DOCK4: variants seen among roughly 807,000 people sequenced by gnomAD.
DOCK4 encodes the protein dedicator of cytokinesis 4.
In DOCK4, 97 loss-of-function variants were observed where a neutral mutation model predicts 268.1. The observed-to-expected ratio is 0.36, with a 90% CI of 0.31 to 0.43. The LOEUF is 0.43. Among genes scored for constraint, DOCK4 ranks in the 20% least tolerant of loss-of-function variants. The pLI is 1.00. For synonymous variants in DOCK4, 954 were observed against 887.2 expected (o/e 1.08, Z -1.34); for missense variants, 2,145 against 2,455.7 (o/e 0.87, Z 2.67).
intron 10 of DOCK4, among the ~76,000 whole-genome samples, chr7:111,941,818 C>G (rs1267809540): frequency 6.6e-6 from 1 of 152,140 alleles, no homozygotes; most frequent in Non-Finnish European, 1.5e-5. Flanking sequence ...GAAGGAATGG[C>G]AAAATAAGGG....
intron 34 of DOCK4, among the ~76,000 whole-genome samples, chr7:111,783,153 A>G (rs1585972804): frequency 6.6e-6 from 1 of 152,180 alleles, no homozygotes; most frequent in African/African-American, 2.4e-5. Context: ...ACTCCTGAGC[A>G]TCAGCTTCTG....
intron 2 of DOCK4, among the ~76,000 whole-genome samples, chr7:112,001,039 A>G (rs1409925922): frequency 6.6e-6 from 1 of 152,210 alleles, no homozygotes; most frequent in Non-Finnish European, 1.5e-5. Flanking sequence ...CGTGAATTGC[A>G]CATCCTTAAG....
chr7:112,046,873 A>AGTTG (rs1804871578), intron 1 of DOCK4, among the ~76,000 whole-genome samples: 1 of 152,174 alleles, frequency 6.6e-6, no homozygotes, highest in African/African-American at 2.4e-5. Context: ...AGAGAAAAAG[A>AGTTG]GTTGGGAGTC....
rs181279376 is a variant in DOCK4, at chr7:112,197,440, T to C, written c.37+8662A>G. On this transcript the variant is annotated intron_variant, in intron 1 of 52. Coordinates refer to ENST00000428084, the MANE Select transcript of DOCK4 (RefSeq NM_001363540.2). ...AAATATTATTCGTGCACTCTGTTTT[T>C]CAACATCCTTACTGGGAAATCTCAC... 2.7e-3 allele frequency among the ~76,000 whole-genome samples: 410 copies of C among 152,340 alleles called. 2 individuals carry two copies. The highest frequency in any genetic ancestry group is 9.4e-3 in the African/African-American group (390 of 41,574).
chr7:111,907,732 A>G (rs185681676), intron 13 of DOCK4, among the ~76,000 whole-genome samples: 1 of 152,248 alleles, frequency 6.6e-6, no homozygotes, highest in African/African-American at 2.4e-5. Flanking sequence ...TACATTATAT[A>G]TATCAATGTA....
At chr7:111,906,908 A>G (rs889927966) in intron 13 of DOCK4, among the ~76,000 whole-genome samples, 1 of 152,212 alleles carries the variant, frequency 6.6e-6, no homozygotes, top group African/African-American at 2.4e-5. Context: ...CAGTGAGACT[A>G]GCTCATCCTC....
intron 26 of DOCK4, among the ~76,000 whole-genome samples, chr7:111,833,529 A>G (rs1803008154): frequency 6.6e-6 from 1 of 150,918 alleles, no homozygotes; most frequent in African/African-American, 2.5e-5. Flanking sequence ...GAGTAACAGT[A>G]AAACCCTGCC....
chr7:112,056,412 T>C (rs1805824911), intron 1 of DOCK4, among the ~76,000 whole-genome samples: 1 of 152,176 alleles, frequency 6.6e-6, no homozygotes, highest in Admixed American at 6.6e-5. Context: ...TATATAATAA[T>C]ATATATGTTA....
chr7:111,788,051 T>C (rs1294471571), intron 32 of DOCK4, among the ~76,000 whole-genome samples: 1 of 152,218 alleles, frequency 6.6e-6, no homozygotes, highest in Admixed American at 6.5e-5. Flanking sequence ...TCAGATTCTA[T>C]GGGTAGGGCA....
chr7:111,828,963 C>A (rs1802609090), intron 26 of DOCK4, among the ~76,000 whole-genome samples: 1 of 150,978 alleles, frequency 6.6e-6, no homozygotes, highest in Non-Finnish European at 1.5e-5. Flanking sequence ...ATGTTAACAG[C>A]AGCTACCTCT....
chr7:111,976,258 A>C (rs903092013), intron 8 of DOCK4, among the ~76,000 whole-genome samples: 1 of 73,456 alleles, frequency 1.4e-5, no homozygotes, highest in African/African-American at 5.0e-5. Flanking sequence ...ATATATGTGT[A>C]TGTGTGTCTA....
Position 112,164,392 on chromosome 7 carries a change from C to T in DOCK4, c.37+41710G>A, listed in dbSNP as rs541982225. Among the ~76,000 whole-genome samples the T allele has an allele frequency of 2.6e-4, 40 of 152,280 alleles. 1 individual carries two copies. The highest frequency in any genetic ancestry group is 8.7e-4 in the African/African-American group (36 of 41,560). Reference sequence around the variant, plus strand: ...GTTCTTTAAATATATACATATATAACTGTCTTAAAGTCTGCATATAACCAT... The same window carrying T: ...GTTCTTTAAATATATACATATATAATTGTCTTAAAGTCTGCATATAACCAT... On this transcript the variant is annotated intron_variant, in intron 1 of 52. Coordinates refer to ENST00000428084, the MANE Select transcript of DOCK4 (RefSeq NM_001363540.2).
intron 1 of DOCK4, among the ~76,000 whole-genome samples, chr7:112,180,260 C>T (rs1233742035): frequency 1.3e-5 from 2 of 152,032 alleles, no homozygotes; most frequent in Non-Finnish European, 2.9e-5. Flanking sequence ...AGATGCAAAA[C>T]GACTCTGGAG....
At chr7:112,018,421 A>G (rs1802044463) in intron 1 of DOCK4, among the ~76,000 whole-genome samples, 1 of 152,314 alleles carries the variant, frequency 6.6e-6, no homozygotes, top group South Asian at 2.1e-4. Flanking sequence ...TTACCAACTC[A>G]GCACTTATCA....
intron 39 of DOCK4, among the ~76,000 whole-genome samples, chr7:111,763,105 T>C (rs1242158315): frequency 3.4e-5 from 5 of 147,054 alleles, no homozygotes; most frequent in Non-Finnish European, 7.4e-5. Context: ...AATCCCTACT[T>C]AGATCATAAA....
At chr7:111,871,567 T>C (rs927241359) in intron 20 of DOCK4, among the ~76,000 whole-genome samples, 3 of 152,184 alleles carry the variant, frequency 2.0e-5, no homozygotes, top group Non-Finnish European at 4.4e-5. Context: ...AATCCTAACA[T>C]AAATGAATGG....
At chr7:112,093,832 T>A (rs1187754859) in intron 1 of DOCK4, among the ~76,000 whole-genome samples, 1 of 147,762 alleles carries the variant, frequency 6.8e-6, no homozygotes, top group Admixed American at 6.8e-5. Flanking sequence ...TGATCCACCA[T>A]AACTTTAGGC....
chr7:111,952,693 C>A (rs549867521), intron 8 of DOCK4, among the ~76,000 whole-genome samples: 106 of 152,062 alleles, frequency 7.0e-4, no homozygotes, highest in Middle Eastern at 3.4e-3. Flanking sequence ...AATCAATCCA[C>A]AAAAAATTAC....
intron 6 of DOCK4, among the ~76,000 whole-genome samples, chr7:111,986,376 A>G (rs376677582): frequency 5.3e-5 from 8 of 152,298 alleles, no homozygotes; most frequent in African/African-American, 1.9e-4. Flanking sequence ...TTGATTGTTC[A>G]GCTTCTGTTA....
Sources: gnomAD v4.1 joint callset for allele counts (sites outside exome capture counted in the v4.1 genomes callset) on GRCh38, gnomAD v4.1.1 for gene constraint, MANE v1.5 for transcripts, NCBI Gene and HGNC (gene_info 2026-07-23, HGNC 2026-07-21) for gene names.